PIK3C2A: variants seen among roughly 807,000 people sequenced by gnomAD.
PIK3C2A encodes phosphatidylinositol 4-phosphate 3-kinase C2 domain-containing subunit alpha.
In PIK3C2A, 97 loss-of-function variants were observed where a neutral mutation model predicts 204.5. The observed-to-expected ratio is 0.47, with a 90% confidence interval of 0.40 to 0.56. The LOEUF is 0.56. Ranked by LOEUF, PIK3C2A falls within the 20% of genes least tolerant of loss-of-function variation. The pLI is 0.00. For synonymous variants in PIK3C2A, 653 were observed against 664.4 expected, an observed-to-expected ratio of 0.98 and a Z score of 0.26; for missense variants, 1,735 against 1,969.2, an observed-to-expected ratio of 0.88 and a Z score of 2.25.
At chr11:17,194,194 G>A (rs1264997526) in intron 1 of PIK3C2A, 4 of 496,700 alleles carry the variant, frequency 8.1e-6, no homozygotes, top group Non-Finnish European at 6.3e-6. Flanking sequence ...GGCTTGGGTT[G>A]TGCCGGCCAA....
At chr11:17,122,940 T>G (rs1246588119) in intron 13 of PIK3C2A, 127 bp from the exon 14 acceptor site, 2 of 566,584 alleles carry the variant, frequency 3.5e-6, no homozygotes, top group South Asian at 4.8e-5. Context: ...TTTAAGAACA[T>G]ATCAGAAGGA....
chr11:17,181,049 G>C (rs895381731), intron 1 of PIK3C2A, among the ~76,000 whole-genome samples: 5 of 150,980 alleles, frequency 3.3e-5, no homozygotes, highest in South Asian at 2.1e-4. Context: ...AACAGCCAAA[G>C]GGAAGAGATG....
chr11:17,109,418 A>G (rs1848927527), intron 22 of PIK3C2A, among the ~76,000 whole-genome samples: 1 of 152,280 alleles, frequency 6.6e-6, no homozygotes, highest in Admixed American at 6.5e-5. Context: ...CATAATACAT[A>G]TCAGATATTA....
At chr11:17,121,860 CTT>C (rs1244138382) in intron 15 of PIK3C2A, among the ~76,000 whole-genome samples, 2 of 151,830 alleles carry the variant, frequency 1.3e-5, no homozygotes, top group African/African-American at 2.4e-5. Context: ...AAAAAAATCT[CTT>C]GATATGTATT....
chr11:17,189,088 T>G (rs1851852895), intron 1 of PIK3C2A, among the ~76,000 whole-genome samples: 1 of 146,854 alleles, frequency 6.8e-6, no homozygotes, highest in Admixed American at 6.6e-5. Flanking sequence ...TCTGAAATCA[T>G]GTCAGTGCTT....
intron 1 of PIK3C2A, among the ~76,000 whole-genome samples, chr11:17,200,982 G>A (rs1312245178): frequency 6.6e-6 from 1 of 151,972 alleles, no homozygotes; most frequent in Non-Finnish European, 1.5e-5. Flanking sequence ...GATGTGGGCG[G>A]ATCACTTCAG....
chr11:17,136,461 C>T (rs1411245968), intron 9 of PIK3C2A, 21 bp downstream of exon 9: 2 of 1,579,454 alleles, frequency 1.3e-6, no homozygotes, highest in Non-Finnish European at 1.7e-6. Flanking sequence ...TAATAAAATC[C>T]TAGTTACCAA....
At chr11:17,171,040 T>C (rs1036247768) in intron 1 of PIK3C2A, among the ~76,000 whole-genome samples, 1 of 152,072 alleles carries the variant, frequency 6.6e-6, no homozygotes, top group Non-Finnish European at 1.5e-5. Context: ...GAGGCGGAGC[T>C]TGCAGTGAGC....
At chr11:17,132,098 C>A in intron 11 of PIK3C2A, 60 bp from the exon 12 acceptor site, 2 of 975,630 alleles carry the variant, frequency 2.0e-6, no homozygotes, top group Non-Finnish European at 1.5e-6. Flanking sequence ...TTAACTAATA[C>A]AAATACATTA....
At chr11:17,132,575 C>T (rs1227441629) in intron 11 of PIK3C2A, among the ~76,000 whole-genome samples, 2 of 151,092 alleles carry the variant, frequency 1.3e-5, no homozygotes, top group East Asian at 1.9e-4. Flanking sequence ...ATGATCCACC[C>T]GCCTCGGCCT....
At chr11:17,128,144 A>G (rs547689647) in intron 13 of PIK3C2A, among the ~76,000 whole-genome samples, 7 of 152,344 alleles carry the variant, frequency 4.6e-5, no homozygotes, top group Non-Finnish European at 7.3e-5. Context: ...TAAGTGCTAC[A>G]TAAGTGTTTG....
At chr11:17,167,713 T>C (rs944115426) in intron 2 of PIK3C2A, among the ~76,000 whole-genome samples, 1 of 152,144 alleles carries the variant, frequency 6.6e-6, no homozygotes, top group Non-Finnish European at 1.5e-5. Context: ...ATCTAAATGC[T>C]AGTTAACTCC....
At chr11:17,195,357 G>A (rs1339524613) in intron 1 of PIK3C2A, among the ~76,000 whole-genome samples, 1 of 151,842 alleles carries the variant, frequency 6.6e-6, no homozygotes, top group Non-Finnish European at 1.5e-5. Context: ...AGGTTGCAGT[G>A]AGCCGAGATG....
chr11:17,188,062 G>A (rs1041630092), intron 1 of PIK3C2A, among the ~76,000 whole-genome samples: 7 of 152,100 alleles, frequency 4.6e-5, no homozygotes, highest in Non-Finnish European at 8.8e-5. Context: ...TTTGGGCCAG[G>A]CATGGTGGCT....
At chr11:17,191,733 G>A (rs752016919) in intron 1 of PIK3C2A, among the ~76,000 whole-genome samples, 1 of 152,202 alleles carries the variant, frequency 6.6e-6, no homozygotes, top group African/African-American at 2.4e-5. Context: ...TGTCAGAAGT[G>A]AAAGTGGTCT....
At chr11:17,105,612 G>A (rs770188238) in intron 22 of PIK3C2A, among the ~76,000 whole-genome samples, 1 of 152,068 alleles carries the variant, frequency 6.6e-6, no homozygotes, top group Non-Finnish European at 1.5e-5. Context: ...TGTTCTCACT[G>A]TTCAACTCCC....
rs148434889 is a variant in PIK3C2A at position 17,181,603 on chromosome 11, AATATATATATATAT to A, written c.-65-11811_-65-11798del. On this transcript the variant is annotated intron_variant, in intron 1 of 32. Coordinates refer to ENST00000691414, the MANE Select transcript of PIK3C2A (RefSeq NM_002645.4). ...GCAACATGGTGAGATCCCATTTTTA[AATATATATATATAT>A]ATATATATATATATATATATATATA... Among the ~76,000 whole-genome samples, 97 of 101,496 alleles carry A rather than the reference AATATATATATATAT, an allele frequency of 9.6e-4. 1 individual carries two copies. Among genetic ancestry groups the A allele is most frequent in the African/African-American group, 3.8e-3 (80 of 21,042 alleles). 66.6% of individuals were successfully genotyped at this position (101,496 alleles called of 152,430 possible). A position where few individuals can be genotyped will look rare whatever the true frequency, so the allele number is the denominator to read the frequency against.
At chr11:17,178,783 G>A (rs537393977) in intron 1 of PIK3C2A, among the ~76,000 whole-genome samples, 2 of 144,630 alleles carry the variant, frequency 1.4e-5, no homozygotes, top group Non-Finnish European at 3.0e-5. Context: ...ACTGCGGACT[G>A]CAGTGGCGCA....
intron 8 of PIK3C2A, 51 bp downstream of exon 8, chr11:17,145,617 A>C (rs750937201): frequency 1.9e-5 from 20 of 1,035,924 alleles, no homozygotes; most frequent in Admixed American, 5.8e-5. Flanking sequence ...TAAGAGAAAG[A>C]AGCAGCAAGA....
Sources: allele counts gnomAD v4.1 joint callset (sites outside exome capture counted in the v4.1 genomes callset), GRCh38; gene constraint gnomAD v4.1.1; transcripts MANE v1.5; gene names NCBI Gene and HGNC (gene_info 2026-07-23, HGNC 2026-07-21).